Variants in ZNF717 observed in about 807,000 individuals in gnomAD.
ZNF717 encodes the protein zinc finger protein 717, also known as krueppel-like factor X17.
Under a neutral mutation model 13.8 loss-of-function variants are expected in ZNF717, and 9 were observed. The observed-to-expected ratio is 0.65, with a 90% CI of 0.39 to 1.14. The LOEUF (loss-of-function observed/expected upper bound fraction) is 1.14, where lower values mean the gene tolerates loss of function less well. Ranked by LOEUF, ZNF717 falls within the 50% of genes most tolerant of loss-of-function variation. The pLI is 0.01. For missense variants in ZNF717, 1,040 were observed against 1,080.7 expected (o/e 0.96, Z 0.53); for synonymous variants, 327 against 364.1 (o/e 0.90, Z 1.16).
chr3:75,734,255 G>C (rs1434818723), downstream of ZNF717, among the ~76,000 whole-genome samples: 2 of 151,804 alleles, frequency 1.3e-5, no homozygotes, highest in Admixed American at 6.6e-5. Context: ...ATTTTTATTA[G>C]AGACAGTGTT....
intron 2 of ZNF717, among the ~76,000 whole-genome samples, chr3:75,779,049 C>G (rs111760618): frequency 3.6e-5 from 4 of 110,186 alleles, no homozygotes; most frequent in Admixed American, 9.9e-5. Context: ...GGGAGTGATG[C>G]GCAAAAACCG....
intron 5 of ZNF717, among the ~76,000 whole-genome samples, chr3:75,712,708 T>C (rs1331063305): frequency 6.6e-6 from 1 of 152,156 alleles, no homozygotes; most frequent in East Asian, 1.9e-4. Flanking sequence ...TTCAACCTTC[T>C]CCTATCTCCA....
At chr3:75,750,694 G>T (rs1436908481) in intron 2 of ZNF717, among the ~76,000 whole-genome samples, 2 of 151,332 alleles carry the variant, frequency 1.3e-5, no homozygotes, top group Non-Finnish European at 2.9e-5. Flanking sequence ...CTGAATGTTT[G>T]ACCCTCACAT....
chr3:75,733,912 ATCT>A (rs1938839638), downstream of ZNF717, among the ~76,000 whole-genome samples: 6 of 149,358 alleles, frequency 4.0e-5, no homozygotes, highest in South Asian at 1.3e-3. Flanking sequence ...GCCCTGTGAG[ATCT>A]TCTTTCAAAA....
At chr3:75,779,714 T>C (rs1030978019) in intron 2 of ZNF717, among the ~76,000 whole-genome samples, 3 of 143,210 alleles carry the variant, frequency 2.1e-5, no homozygotes, top group African/African-American at 8.0e-5. Flanking sequence ...GGGAGTGACG[T>C]GCTAAAACCG....
At chr3:75,726,938 T>A (rs1938293591), downstream of ZNF717, among the ~76,000 whole-genome samples, 1 of 149,844 alleles carries the variant, frequency 6.7e-6, no homozygotes, top group Admixed American at 6.7e-5. Context: ...ATGAACATTT[T>A]AATCAATAAT....
chr3:75,771,831 C>A (rs557497639), intron 2 of ZNF717, among the ~76,000 whole-genome samples: 264 of 152,346 alleles, frequency 1.7e-3, no homozygotes, highest in African/African-American at 5.7e-3. Flanking sequence ...GCCCAGCAAG[C>A]CCCCCTGCCC....
chr3:75,736,999 C>T lies in ZNF717; in HGVS notation c.2624G>A (p.Cys875Tyr), dbSNP rs1939339575. ...TGACTTCTGGCAAAAGGTTTTCCCA[C>T]ATTCCTTACATTCATAAGGTTTTTC... ...TGEKPYECKECGKTFCQKSHL... is the reference protein window; with the variant it reads ...TGEKPYECKEYGKTFCQKSHL... Residue 875 changes from cysteine to tyrosine, a missense_variant, in exon 5 of 5, where the codon TGT (cysteine) becomes TAT (tyrosine). Cys to Tyr is a radical substitution (Grantham distance 194, BLOSUM62 -2). Around this residue, in one of 3 missense-constraint regions of ZNF717, gnomAD observed 44 missense variants for 70.1 expected, o/e 0.63. Coordinates refer to ENST00000652011, the MANE Select transcript of ZNF717 (RefSeq NM_001290208.3). 3.1e-6 allele frequency: 5 copies of T among 1,590,576 alleles called. No homozygotes were observed. Among genetic ancestry groups the T allele is most frequent in the Non-Finnish European group, 4.3e-6 (5 of 1,168,750 alleles).
At chr3:75,782,680 T>A (rs749357684) in intron 2 of ZNF717, among the ~76,000 whole-genome samples, 1 of 142,770 alleles carries the variant, frequency 7.0e-6, no homozygotes, top group Non-Finnish European at 1.6e-5. Context: ...TAGCGGCAGA[T>A]GACCATTTCC....
downstream of ZNF717, among the ~76,000 whole-genome samples, chr3:75,725,949 A>G (rs112611503): frequency 6.6e-6 from 1 of 152,166 alleles, no homozygotes; most frequent in Non-Finnish European, 1.5e-5. Context: ...AGATTTCATA[A>G]TTTGCTCCCA....
chr3:75,751,614 T>C (rs1575836539), intron 2 of ZNF717, among the ~76,000 whole-genome samples: 1 of 150,282 alleles, frequency 6.7e-6, no homozygotes, highest in Non-Finnish European at 1.5e-5. Flanking sequence ...ATCCCTCACA[T>C]AGGATTCCAT....
At chr3:75,727,390 CA>C (rs1938307008), downstream of ZNF717, among the ~76,000 whole-genome samples, 1 of 152,168 alleles carries the variant, frequency 6.6e-6, no homozygotes, top group Non-Finnish European at 1.5e-5. Flanking sequence ...GGGCAGAATA[CA>C]GCCATGTTTT....
At chr3:75,702,406 GT>G (rs1329330798) in intron 6 of ZNF717, among the ~76,000 whole-genome samples, 1 of 152,304 alleles carries the variant, frequency 6.6e-6, no homozygotes. Flanking sequence ...TTATTTGTGG[GT>G]GCTAACATTC....
chr3:75,771,761 A>C (rs1360670825), intron 2 of ZNF717, among the ~76,000 whole-genome samples: 1 of 152,242 alleles, frequency 6.6e-6, no homozygotes, highest in Non-Finnish European at 1.5e-5. Flanking sequence ...CCACCCTCCC[A>C]GGCACAGCTG....
At chr3:75,716,946 A>G (rs1012304312) in intron 4 of ZNF717, among the ~76,000 whole-genome samples, 14 of 152,296 alleles carry the variant, frequency 9.2e-5, no homozygotes, top group African/African-American at 3.4e-4. Flanking sequence ...CCCATTCACT[A>G]TGTTGTACAT....
chr3:75,734,815 ATATT>A (rs1173257904), downstream of ZNF717, among the ~76,000 whole-genome samples: 34 of 43,208 alleles, frequency 7.9e-4, no homozygotes, highest in East Asian at 1.7e-3. Flanking sequence ...ATATATATAT[ATATT>A]TTTTTTTTTT....
At chr3:75,767,253 A>G (rs1320499481) in intron 2 of ZNF717, among the ~76,000 whole-genome samples, 1 of 152,150 alleles carries the variant, frequency 6.6e-6, no homozygotes, top group East Asian at 1.9e-4. Context: ...ACTCCCAACA[A>G]CTAGTGAGCC....
chr3:75,785,532 G>C lies in ZNF717; in HGVS notation c.-151C>G, dbSNP rs116699505. 53 of 145,740 alleles carry C rather than the reference G, an allele frequency of 3.6e-4. No homozygotes were observed. The highest frequency in any genetic ancestry group is 1.2e-3 in the African/African-American group (49 of 39,632). 9.0% of individuals were successfully genotyped at this position (145,740 alleles called of 1,614,324 possible). On this transcript the variant is annotated 5_prime_UTR_variant, in exon 1 of 5. Transcript: ENST00000652011. ...CGCAGGGACATAGAACCAAGCCCCA[G>C]GCTGGCCCAGCTACAAGACCGCCTC...
intron 2 of ZNF717, among the ~76,000 whole-genome samples, chr3:75,750,394 A>G (rs78018143): frequency 2.7e-5 from 3 of 111,770 alleles, no homozygotes; most frequent in Non-Finnish European, 3.9e-5. Flanking sequence ...ATGTTACGAG[A>G]GTCTGAATGT....
Sources: gnomAD v4.1 joint callset for allele counts (sites outside exome capture counted in the v4.1 genomes callset) on GRCh38, gnomAD v4.1.1 for gene constraint, gnomAD v4.1.1 regional missense constraint, MANE v1.5 for transcripts, NCBI Gene and HGNC (gene_info 2026-07-23, HGNC 2026-07-21) for gene names.